Variants in FOXN3 observed in about 807,000 individuals in gnomAD.
FOXN3 encodes the protein forkhead box protein N3.
FOXN3 carries 7 observed loss-of-function variants against 38.4 expected under a neutral mutation model. The ratio of observed to expected loss-of-function variants is 0.18; its 90% confidence interval spans 0.10 to 0.34. The LOEUF (loss-of-function observed/expected upper bound fraction) is 0.34. Ranked by LOEUF, FOXN3 falls within the 10% of genes least tolerant of loss-of-function variation. The pLI is 1.00. For synonymous variants in FOXN3, 230 were observed against 242.2 expected, an observed-to-expected ratio of 0.95 and a Z score of 0.47; for missense variants, 456 against 613.4, an observed-to-expected ratio of 0.74 and a Z score of 2.71.
rs368933917 is a variant in FOXN3 at position 89,384,322 on chromosome 14, T to C, written c.543+27612A>G. 2.2e-4 allele frequency among the ~76,000 whole-genome samples: 25 copies of C among 114,584 alleles called. No homozygotes were observed. In the South Asian group the frequency reaches 5.1e-3, roughly 23 times the overall value. 75.2% of individuals were successfully genotyped at this position (114,584 alleles called of 152,430 possible). On this transcript the variant is annotated intron_variant, in intron 2 of 5. Transcript: ENST00000557258. The stretch of plus-strand genomic sequence containing the variant: ...CTTCACTGTGCTCACTTTGCAGATA[T>C]AGAAACTAAGCCTGTGAAATGCTGA...
At chr14:89,328,564 C>G (rs565407739) in intron 3 of FOXN3, among the ~76,000 whole-genome samples, 1 of 152,142 alleles carries the variant, frequency 6.6e-6, no homozygotes, top group African/African-American at 2.4e-5. Context: ...GAGACATTCC[C>G]ACCAGCAGCA....
chr14:89,453,487 C>G (rs7155208), intron 1 of FOXN3, among the ~76,000 whole-genome samples: 100,980 of 146,950 alleles, frequency 0.69, 35,081 homozygotes, highest in Middle Eastern at 0.8. Flanking sequence ...GTGAACCCGG[C>G]AGGCAAAGCT....
At chr14:89,407,427 T>TA (rs1471138779) in intron 2 of FOXN3, among the ~76,000 whole-genome samples, 7 of 152,360 alleles carry the variant, frequency 4.6e-5, no homozygotes, top group African/African-American at 1.7e-4. Context: ...CAACACCAAA[T>TA]AATTGTTCAT....
intron 2 of FOXN3, among the ~76,000 whole-genome samples, chr14:89,410,559 C>G (rs534402507): frequency 6.6e-6 from 1 of 152,166 alleles, no homozygotes; most frequent in Non-Finnish European, 1.5e-5. Context: ...CCAATTTCTA[C>G]GAAACCTATT....
intron 5 of FOXN3, among the ~76,000 whole-genome samples, chr14:89,173,618 G>A (rs1036252733): frequency 6.6e-6 from 1 of 152,118 alleles, no homozygotes; most frequent in Non-Finnish European, 1.5e-5. Flanking sequence ...ATTACAGCTA[G>A]ATGTCACAAA....
intron 2 of FOXN3, among the ~76,000 whole-genome samples, chr14:89,378,706 C>CT (rs35772860): frequency 0.024 from 3,304 of 136,916 alleles, 112 homozygotes; most frequent in African/African-American, 0.068. Flanking sequence ...TCTTTTTGCA[C>CT]TTTTTTTTTT....
chr14:89,462,876 G>A (rs1892876619), intron 1 of FOXN3, among the ~76,000 whole-genome samples: 1 of 150,890 alleles, frequency 6.6e-6, no homozygotes, highest in Non-Finnish European at 1.5e-5. Context: ...AGTAGAGACG[G>A]GGTTTCACCA....
chr14:89,608,840 T>A (rs931964368), intron 1 of FOXN3, among the ~76,000 whole-genome samples: 2 of 152,226 alleles, frequency 1.3e-5, no homozygotes, highest in Non-Finnish European at 2.9e-5. Context: ...GATTAGCAGA[T>A]CCAACTAAGT....
intron 1 of FOXN3, among the ~76,000 whole-genome samples, chr14:89,462,728 C>A (rs10151762): frequency 0.47 from 70,800 of 149,974 alleles, 16,977 homozygotes; most frequent in African/African-American, 0.52. Flanking sequence ...TCTGTCGCCC[C>A]GGCTTGAGTG....
intron 2 of FOXN3, among the ~76,000 whole-genome samples, chr14:89,394,838 C>A (rs1475047572): frequency 6.6e-6 from 1 of 152,192 alleles, no homozygotes; most frequent in Non-Finnish European, 1.5e-5. Flanking sequence ...GGACGAGGAA[C>A]CTAGTAGGCC....
rs762008613 is a variant in FOXN3, at chr14:89,412,127, T to C, written c.350A>G (p.Tyr117Cys). ...ARQNPNCKPP[Y>C]SFSCLIFMAI... Reference sequence around the variant, plus strand: ...CATAAATATGAGGCAGCTGAAGGAGTAGGGGGGTTTGCAGTTGGGGTTCTG... The same window carrying C: ...CATAAATATGAGGCAGCTGAAGGAGCAGGGGGGTTTGCAGTTGGGGTTCTG... The change falls in exon 2 of 6, where the codon TAC becomes TGC. Residue 117 changes from tyrosine (Y) to cysteine (C), a missense_variant. Physicochemically the swap from Tyr to Cys is radical, Grantham distance 194. This residue lies in a region of FOXN3 where 386 missense variants were observed against 505.2 expected (regional missense o/e 0.76). Coordinates refer to ENST00000557258, the MANE Select transcript of FOXN3 (RefSeq NM_005197.4). This position sits in a 1 kb window ranked among gnomAD's most constrained non-coding sequence, Gnocchi z 4.7. The C allele has an allele frequency of 3.1e-6, 5 of 1,608,894 alleles. No homozygotes were observed. Among genetic ancestry groups the C allele is most frequent in the South Asian group, 1.1e-5 (1 of 90,722 alleles).
rs1891760395 is a variant in FOXN3 at position 89,417,030 on chromosome 14, C to CGGGCGCGGGCGGCAGGGGCGCGGG, written c.-198_-175dup. On this transcript the variant is annotated 5_prime_UTR_variant, in exon 1 of 6. Coordinates refer to ENST00000557258, the MANE Select transcript of FOXN3 (RefSeq NM_005197.4). ...GGCGGCGGGCGGCGGGGGGCGGCCG[C>CGGGCGCGGGCGGCAGGGGCGCGGG]GGGCGCGGGCGGCAGGGGCGCGGGG... 1.4e-5 allele frequency: 2 copies of CGGGCGCGGGCGGCAGGGGCGCGGG among 144,804 alleles called. No individual in the cohort carries two copies. Among genetic ancestry groups the CGGGCGCGGGCGGCAGGGGCGCGGG allele is most frequent in the South Asian group, 4.2e-4 (2 of 4,798 alleles). The allele number at this position is 144,804 out of a possible 1,614,324, so 9.0% of individuals were successfully genotyped here. A position where few individuals can be genotyped will look rare whatever the true frequency, so the allele number is the denominator to read the frequency against.
At chr14:89,421,416 G>A (rs567741480), upstream of FOXN3, among the ~76,000 whole-genome samples, 2 of 152,014 alleles carry the variant, frequency 1.3e-5, no homozygotes, top group East Asian at 3.9e-4. Flanking sequence ...CCAAAGTGCT[G>A]GGACTACAGG....
rs114277470 is a variant in FOXN3, at chr14:89,265,923, G to A, written c.745+15027C>T. On this transcript the variant is annotated intron_variant, in intron 4 of 5. Coordinates refer to ENST00000557258, the MANE Select transcript of FOXN3 (RefSeq NM_005197.4). ...TCACGTTCCCTGGTAGGGTGGGAATGCCTGAAACAGCCTTAGCCAGACTTG... is the reference window on the plus strand; with the variant it reads ...TCACGTTCCCTGGTAGGGTGGGAATACCTGAAACAGCCTTAGCCAGACTTG... Among the ~76,000 whole-genome samples the A allele has an allele frequency of 5.2e-3, 786 of 152,306 alleles. 9 individuals are homozygous for A. Among genetic ancestry groups the A allele is most frequent in the African/African-American group, 0.018 (748 of 41,552 alleles).
At chr14:89,329,481 G>C (rs183826718) in intron 3 of FOXN3, among the ~76,000 whole-genome samples, 1 of 152,210 alleles carries the variant, frequency 6.6e-6, no homozygotes, top group East Asian at 1.9e-4. Context: ...GTGGGTGGGG[G>C]TGCTACTGGT....
intron 4 of FOXN3, among the ~76,000 whole-genome samples, chr14:89,204,109 T>C (rs1888315864): frequency 7.1e-6 from 1 of 140,008 alleles, no homozygotes; most frequent in Non-Finnish European, 1.6e-5. Flanking sequence ...ACACAACTAC[T>C]ACTACAACCA....
intron 1 of FOXN3, among the ~76,000 whole-genome samples, chr14:89,575,494 A>C (rs1433165950): frequency 6.6e-6 from 1 of 152,138 alleles, no homozygotes; most frequent in Non-Finnish European, 1.5e-5. Context: ...GGTCCTCTCC[A>C]ATGCTGGTGA....
rs1890335612 is a variant in FOXN3, at chr14:89,372,088, TA to T, written c.544-21281del. ...TCTGCCAGGACCGTGACTGACAAAA[TA>T]AAAAACGGAATTGATTATCCCAGAA... is the stretch of plus-strand genomic sequence containing the variant. On this transcript the variant is annotated intron_variant, in intron 2 of 5. Coordinates refer to ENST00000557258, the MANE Select transcript of FOXN3 (RefSeq NM_005197.4). Among the ~76,000 whole-genome samples, 6 of 151,868 alleles carry T rather than the reference TA, an allele frequency of 4.0e-5. No homozygotes were observed. The South Asian group carries it at 1.3e-3, about 32-fold the overall frequency.
rs569023074 is a variant in FOXN3, at chr14:89,553,736, A to C, written c.-15+65292T>G. ...GAGGTTTGATGATCACAACTACTCA[A>C]GGATTACTCAGATCTCAGAAATAAA... On this transcript the variant is annotated intron_variant, in intron 1 of 6. Coordinates refer to the FOXN3 transcript ENST00000345097. Among the ~76,000 whole-genome samples the C allele has an allele frequency of 1.3e-4, 20 of 152,318 alleles. No individual in the cohort carries two copies. The East Asian group carries it at 2.3e-3, about 18-fold the overall frequency.
Sources: gnomAD v4.1 joint callset for allele counts (sites outside exome capture counted in the v4.1 genomes callset) on GRCh38, gnomAD v4.1.1 for gene constraint, gnomAD v4.1.1 regional missense constraint, Gnocchi (gnomAD v3.1) non-coding constraint, MANE v1.5 for transcripts, NCBI Gene and HGNC (gene_info 2026-07-23, HGNC 2026-07-21) for gene names.